GALNT13: variants seen among roughly 807,000 people sequenced by gnomAD.
GALNT13 encodes the protein polypeptide N-acetylgalactosaminyltransferase 13.
GALNT13 carries 28 observed loss-of-function variants against 64.2 expected under a neutral mutation model. The observed-to-expected ratio is 0.44, with a 90% CI of 0.32 to 0.60. The LOEUF (loss-of-function observed/expected upper bound fraction) is 0.60, where lower values mean the gene tolerates loss of function less well. GALNT13 is among the 20% of genes least tolerant of loss of function. The pLI, the probability that GALNT13 is intolerant of heterozygous loss-of-function variation, is 0.05. For synonymous variants in GALNT13, 214 were observed against 224.6 expected (o/e 0.95, Z 0.42); for missense variants, 577 against 669.8 (o/e 0.86, Z 1.53).
the GALNT13 span, among the ~76,000 whole-genome samples, chr2:153,316,127 G>T: frequency 6.6e-6 from 1 of 151,236 alleles, no homozygotes; most frequent in East Asian, 1.9e-4. Flanking sequence ...AGAAAAAGAA[G>T]AAAGAAAAAA....
At chr2:153,102,119 G>T in the GALNT13 span, among the ~76,000 whole-genome samples, 1 of 151,960 alleles carries the variant, frequency 6.6e-6, no homozygotes, top group Non-Finnish European at 1.5e-5. Flanking sequence ...TGCTCTGTCA[G>T]GGTGTCCTGT....
At chr2:153,608,917 CT>C in the GALNT13 span, among the ~76,000 whole-genome samples, 118 of 130,598 alleles carry the variant, frequency 9.0e-4, no homozygotes, top group East Asian at 2.0e-3. Flanking sequence ...TTTTTTACTT[CT>C]TTTTTTTTTT....
At chr2:154,255,328 G>A (rs1690312893) in intron 7 of GALNT13, among the ~76,000 whole-genome samples, 1 of 152,188 alleles carries the variant, frequency 6.6e-6, no homozygotes, top group Non-Finnish European at 1.5e-5. Flanking sequence ...AAGGGGGTAT[G>A]TAGAAAGCAT....
At chr2:153,379,067 T>G in the GALNT13 span, among the ~76,000 whole-genome samples, 1 of 152,140 alleles carries the variant, frequency 6.6e-6, no homozygotes, top group Admixed American at 6.6e-5. Context: ...GAGTGGGGAA[T>G]GTTCCTAGTA....
At chr2:154,349,093 A>G (rs1289970149) in intron 9 of GALNT13, among the ~76,000 whole-genome samples, 1 of 152,220 alleles carries the variant, frequency 6.6e-6, no homozygotes, top group East Asian at 1.9e-4. Flanking sequence ...AATCAAATGC[A>G]ATTTTAGAGA....
At chr2:153,583,755 A>C in the GALNT13 span, among the ~76,000 whole-genome samples, 1 of 152,174 alleles carries the variant, frequency 6.6e-6, no homozygotes, top group Non-Finnish European at 1.5e-5. Flanking sequence ...TAGCTCTTGA[A>C]TAGCTGCACA....
At chr2:154,025,148 A>C (rs1697856910) in intron 3 of GALNT13, among the ~76,000 whole-genome samples, 1 of 152,104 alleles carries the variant, frequency 6.6e-6, no homozygotes, top group South Asian at 2.1e-4. Flanking sequence ...TCATGGACCC[A>C]CTTGAGGAGG....
At chr2:154,376,339 G>A (rs928712690) in intron 9 of GALNT13, among the ~76,000 whole-genome samples, 2 of 151,988 alleles carry the variant, frequency 1.3e-5, no homozygotes, top group Non-Finnish European at 2.9e-5. Flanking sequence ...GCATTATATA[G>A]TCAGATAAGA....
At chr2:153,597,262 A>T in the GALNT13 span, among the ~76,000 whole-genome samples, 1 of 152,106 alleles carries the variant, frequency 6.6e-6, no homozygotes, top group Admixed American at 6.6e-5. Context: ...AGTACAGGGC[A>T]CTTCTAAGCG....
chr2:153,672,349 T>C, the GALNT13 span, among the ~76,000 whole-genome samples: 1 of 152,148 alleles, frequency 6.6e-6, no homozygotes. Flanking sequence ...CACAACAAAC[T>C]GTCTCTCACA....
chr2:153,256,571 C>G, the GALNT13 span, among the ~76,000 whole-genome samples: 1 of 152,174 alleles, frequency 6.6e-6, no homozygotes, highest in Non-Finnish European at 1.5e-5. Context: ...AGTTTTTCTG[C>G]TCTGTTTTTT....
chr2:154,306,418 G>A (rs1012375981), intron 9 of GALNT13, among the ~76,000 whole-genome samples: 2 of 151,860 alleles, frequency 1.3e-5, no homozygotes, highest in African/African-American at 4.8e-5. Flanking sequence ...TTCTGTTCCT[G>A]CGTTATATCA....
At chr2:154,380,728 A>C (rs943879952) in intron 9 of GALNT13, among the ~76,000 whole-genome samples, 1 of 151,916 alleles carries the variant, frequency 6.6e-6, no homozygotes, top group Non-Finnish European at 1.5e-5. Flanking sequence ...ATTATTTCTC[A>C]AGAGTCTAGG....
chr2:153,222,116 G>A, the GALNT13 span, among the ~76,000 whole-genome samples: 6 of 151,810 alleles, frequency 4.0e-5, no homozygotes, highest in African/African-American at 1.2e-4. Flanking sequence ...TGAGGTATGC[G>A]GACAACTGGA....
At chr2:154,008,457 G>A (rs1426484335) in intron 3 of GALNT13, among the ~76,000 whole-genome samples, 1 of 151,678 alleles carries the variant, frequency 6.6e-6, no homozygotes, top group African/African-American at 2.4e-5. Flanking sequence ...TAGGTTTAGG[G>A]GTATATGTAC....
chr2:153,262,499 G>T, the GALNT13 span, among the ~76,000 whole-genome samples: 1 of 152,028 alleles, frequency 6.6e-6, no homozygotes, highest in Admixed American at 6.6e-5. Flanking sequence ...CAACAAAAAA[G>T]GAAAACTTTA....
the GALNT13 span, among the ~76,000 whole-genome samples, chr2:153,338,095 A>G: frequency 4.6e-5 from 7 of 152,110 alleles, no homozygotes; most frequent in East Asian, 7.7e-4. Context: ...GTTCAAGACC[A>G]CCCTGGGCAA....
At chr2:154,329,890 A>G (rs896965286) in intron 9 of GALNT13, among the ~76,000 whole-genome samples, 14 of 151,964 alleles carry the variant, frequency 9.2e-5, no homozygotes, top group African/African-American at 3.4e-4. Flanking sequence ...ATGGTTGAAA[A>G]CAGCCTGAGG....
chr2:154,282,747 A>C (rs1181822470), intron 8 of GALNT13, among the ~76,000 whole-genome samples: 2 of 152,164 alleles, frequency 1.3e-5, no homozygotes, highest in African/African-American at 4.8e-5. Flanking sequence ...AAGAATCCTC[A>C]GGTGTGCTGA....
Sources: gnomAD v4.1 joint callset for allele counts (sites outside exome capture counted in the v4.1 genomes callset) on GRCh38, gnomAD v4.1.1 for gene constraint, MANE v1.5 for transcripts, NCBI Gene and HGNC (gene_info 2026-07-23, HGNC 2026-07-21) for gene names.